KALRN: variants seen among roughly 807,000 people sequenced by gnomAD.
KALRN encodes the protein kalirin RhoGEF kinase, also known as kalirin.
KALRN carries 70 observed loss-of-function variants against 353.7 expected under a neutral mutation model. The ratio of observed to expected loss-of-function variants is 0.20; its 90% confidence interval spans 0.16 to 0.24. The LOEUF is 0.24. Ranked by LOEUF, KALRN falls within the 10% of genes least tolerant of loss-of-function variation. KALRN has a pLI of 1.00. For missense variants in KALRN, 2,791 were observed against 3,756.7 expected (o/e 0.74, Z 6.72); for synonymous variants, 1,391 against 1,434.8 (o/e 0.97, Z 0.69).
At position 124,121,890 on chromosome 3, in the gene KALRN, G is replaced by A. The variant is rs185141428; in HGVS notation, c.73+88077G>A. ...CCTGTTAGCAGACACTCAGAAAAAA[G>A]GACAGGATACTGTCAGCACATTGCT... On this transcript the variant is annotated intron_variant, in intron 1 of 59. Coordinates refer to ENST00000682506, the MANE Select transcript of KALRN (RefSeq NM_001388419.1). Among the ~76,000 whole-genome samples, 107 of 152,266 alleles carry A rather than the reference G, an allele frequency of 7.0e-4. No homozygotes were observed. The South Asian group carries it at 0.014, about 20-fold the overall frequency.
intron 1 of KALRN, among the ~76,000 whole-genome samples, chr3:124,210,585 G>C (rs1041585742): frequency 6.6e-6 from 1 of 152,066 alleles, no homozygotes; most frequent in Non-Finnish European, 1.5e-5. Flanking sequence ...TATCTGGCTC[G>C]TTTATTTTAC....
intron 48 of KALRN, 33 bp downstream of exon 48, chr3:124,671,931 A>C (rs759622137): frequency 1.4e-6 from 2 of 1,476,466 alleles, no homozygotes; most frequent in Admixed American, 3.4e-5. Context: ...CACCCTTGTC[A>C]CTACGATGGC....
intron 4 of KALRN, among the ~76,000 whole-genome samples, chr3:124,265,285 T>A (rs2073367705): frequency 6.7e-6 from 1 of 149,940 alleles, no homozygotes; most frequent in African/African-American, 2.5e-5. Context: ...AGTAACTAAT[T>A]TAAGAAAATA....
intron 10 of KALRN, among the ~76,000 whole-genome samples, chr3:124,369,858 C>T (rs1475016080): frequency 8.0e-5 from 12 of 150,032 alleles, no homozygotes; most frequent in Admixed American, 7.4e-4. Context: ...TAAGTGAGAT[C>T]ATGCAGTATT....
chr3:124,475,376 A>G (rs1306567073), intron 26 of KALRN, among the ~76,000 whole-genome samples: 1 of 152,166 alleles, frequency 6.6e-6, no homozygotes, highest in East Asian at 1.9e-4. Flanking sequence ...CCAGATTCTA[A>G]TTATATAAAC....
chr3:124,453,380 C>T (rs532078101), intron 21 of KALRN, among the ~76,000 whole-genome samples: 1 of 152,208 alleles, frequency 6.6e-6, no homozygotes, highest in Non-Finnish European at 1.5e-5. Context: ...GATCCCTGGT[C>T]CCTGGTCCCT....
At chr3:124,590,292 T>C (rs116187019) in intron 34 of KALRN, among the ~76,000 whole-genome samples, 3,384 of 152,264 alleles carry the variant, frequency 0.022, 63 homozygotes, top group Non-Finnish European at 0.036. Flanking sequence ...AGGTGGAGTT[T>C]GGAAACTGAA....
intron 19 of KALRN, among the ~76,000 whole-genome samples, chr3:124,442,851 G>A (rs1327643806): frequency 6.6e-6 from 1 of 152,066 alleles, no homozygotes; most frequent in Non-Finnish European, 1.5e-5. Flanking sequence ...CTGGTATGGT[G>A]GCGTGCCTAT....
chr3:124,383,112 C>A (rs1343663537), intron 10 of KALRN, among the ~76,000 whole-genome samples: 1 of 152,194 alleles, frequency 6.6e-6, no homozygotes, highest in Middle Eastern at 3.2e-3. Context: ...GTCTCACCAG[C>A]ATTGGAACGA....
chr3:124,229,241 A>G (rs2078901272), intron 2 of KALRN, among the ~76,000 whole-genome samples: 1 of 152,170 alleles, frequency 6.6e-6, no homozygotes, highest in Non-Finnish European at 1.5e-5. Context: ...AAGTCCGGTG[A>G]CCCCTGATAT....
chr3:124,398,552 G>A (rs2090455132), intron 12 of KALRN, 145 bp from the exon 13 acceptor site: 2 of 818,764 alleles, frequency 2.4e-6, no homozygotes, highest in African/African-American at 1.7e-5. Context: ...CAGGCTCACA[G>A]CAGGAGTTTG....
Position 124,183,454 on chromosome 3 carries a change from T to A in KALRN, c.74-44536T>A, listed in dbSNP as rs565107954. Among the ~76,000 whole-genome samples the A allele has an allele frequency of 5.3e-5, 8 of 152,206 alleles. No individual in the cohort carries two copies. In the South Asian group the frequency reaches 1.7e-3, roughly 32 times the overall value. ...ACCAGATCTCATGAGAACTAACTAT[T>A]GCAAGGTCAGCACCAAGCCATGAAG... On this transcript the variant is annotated intron_variant, in intron 1 of 59. Transcript: ENST00000682506.
chr3:124,563,780 T>C (rs1041508755), intron 34 of KALRN, among the ~76,000 whole-genome samples: 52 of 152,166 alleles, frequency 3.4e-4, no homozygotes, highest in African/African-American at 1.2e-3. Flanking sequence ...CAGCATGCCC[T>C]GGGAACCTGT....
At chr3:124,143,342 G>T (rs886992989) in intron 1 of KALRN, among the ~76,000 whole-genome samples, 6 of 152,160 alleles carry the variant, frequency 3.9e-5, no homozygotes, top group African/African-American at 1.4e-4. Flanking sequence ...AATCCACATG[G>T]TTTATTGAGC....
At chr3:124,238,464 C>T (rs946684754) in intron 3 of KALRN, among the ~76,000 whole-genome samples, 1 of 152,198 alleles carries the variant, frequency 6.6e-6, no homozygotes, top group Non-Finnish European at 1.5e-5. Context: ...AAAAGTTCCT[C>T]TACTGGGTTG....
intron 33 of KALRN, among the ~76,000 whole-genome samples, chr3:124,528,449 T>A (rs939539180): frequency 6.6e-6 from 1 of 152,098 alleles, no homozygotes; most frequent in Non-Finnish European, 1.5e-5. Flanking sequence ...CCCTATGTCC[T>A]CTCCCCAAGC....
At chr3:124,286,398 C>T (rs1387807525) in intron 5 of KALRN, among the ~76,000 whole-genome samples, 1 of 151,830 alleles carries the variant, frequency 6.6e-6, no homozygotes, top group African/African-American at 2.4e-5. Context: ...ATTACAGGCG[C>T]CTGCCACCAC....
intron 41 of KALRN, among the ~76,000 whole-genome samples, chr3:124,658,219 C>A (rs916781080): frequency 1.3e-5 from 2 of 152,146 alleles, no homozygotes; most frequent in Non-Finnish European, 2.9e-5. Flanking sequence ...TCTTTCTCAG[C>A]CCTCTCTAAG....
At chr3:124,083,839 T>A (rs2060665174) in intron 1 of KALRN, among the ~76,000 whole-genome samples, 1 of 152,252 alleles carries the variant, frequency 6.6e-6, no homozygotes, top group South Asian at 2.1e-4. Context: ...TTGTTAAGAC[T>A]GACAGAACTT....
Sources: allele counts gnomAD v4.1 joint callset (sites outside exome capture counted in the v4.1 genomes callset), GRCh38; gene constraint gnomAD v4.1.1; transcripts MANE v1.5; gene names NCBI Gene and HGNC (gene_info 2026-07-23, HGNC 2026-07-21).